ITGAE: variants seen among roughly 807,000 people sequenced by gnomAD.
The protein encoded by ITGAE is integrin alpha-E.
A neutral mutation model predicts 136.5 loss-of-function variants in ITGAE; 99 were observed. That is an observed-to-expected ratio of 0.73 (90% CI 0.62 to 0.86). The LOEUF is 0.86. Among genes scored for constraint, ITGAE ranks in the 40% least tolerant of loss-of-function variants. ITGAE has a pLI of 0.00. For synonymous variants in ITGAE, 613 were observed against 591.8 expected, an observed-to-expected ratio of 1.04 and a Z score of -0.52; for missense variants, 1,447 against 1,515.3, an observed-to-expected ratio of 0.95 and a Z score of 0.75.
intron 24 of ITGAE, 126 bp downstream of exon 24, chr17:3,729,349 AAGC>A: frequency 1.4e-6 from 1 of 728,358 alleles, no homozygotes; most frequent in East Asian, 2.5e-5. Flanking sequence ...CCTGGGTTCT[AAGC>A]AGGCTCCTCT....
intron 16 of ITGAE, among the ~76,000 whole-genome samples, chr17:3,749,938 C>G (rs1212917255): frequency 6.6e-6 from 1 of 152,032 alleles, no homozygotes; most frequent in Admixed American, 6.6e-5. Flanking sequence ...ATTGCTTGAA[C>G]CTGGGAGGCG....
At chr17:3,792,339 A>C (rs1193024317) in intron 1 of ITGAE, among the ~76,000 whole-genome samples, 1 of 152,104 alleles carries the variant, frequency 6.6e-6, no homozygotes, top group Non-Finnish European at 1.5e-5. Context: ...CCAGGCTGGT[A>C]TTGAACTCCT....
At chr17:3,755,076 C>G (rs1289389323) in intron 12 of ITGAE, 41 bp downstream of exon 12, 1 of 1,552,690 alleles carries the variant, frequency 6.4e-7, no homozygotes, top group Admixed American at 1.9e-5. Flanking sequence ...GCCCCGCCCT[C>G]ATCAGGTGGC....
chr17:3,757,625 A>C, intron 9 of ITGAE, 81 bp downstream of exon 9: 1 of 1,465,630 alleles, frequency 6.8e-7, no homozygotes, highest in South Asian at 1.2e-5. Context: ...GCTTACAGAA[A>C]AGCCCCCATC....
At chr17:3,723,927 G>C (rs764660611) in intron 26 of ITGAE, 183 bp from the exon 27 acceptor site, 48 of 1,544,644 alleles carry the variant, frequency 3.1e-5, no homozygotes, top group Admixed American at 8.0e-5. Flanking sequence ...CTCTTGGCGG[G>C]TGCCGGCCAT....
intron 1 of ITGAE, among the ~76,000 whole-genome samples, chr17:3,786,334 T>A (rs1376682917): frequency 6.6e-6 from 1 of 152,064 alleles, no homozygotes; most frequent in African/African-American, 2.4e-5. Flanking sequence ...CTAAAAATCT[T>A]AGGGAGATCT....
rs557357299 is a variant in ITGAE at position 3,718,962 on chromosome 17, T to C, written c.3333+1345A>G. On this transcript the variant is annotated intron_variant, in intron 29 of 30. Coordinates refer to ENST00000263087, the MANE Select transcript of ITGAE (RefSeq NM_002208.5). ...AAATACACTACTTAGCCGGACATGG[T>C]GGCTCATGCCTGTAATCCCAGCACT... Among the ~76,000 whole-genome samples the C allele has an allele frequency of 3.5e-4, 53 of 152,266 alleles. No individual in the cohort carries two copies. In the South Asian group the frequency reaches 0.011, roughly 30 times the overall value.
chr17:3,728,369 T>TTC, intron 24 of ITGAE: 11 of 24,534 alleles, frequency 4.5e-4, no homozygotes, highest in Admixed American at 2.0e-3. Flanking sequence ...CACTCATCCC[T>TTC]TTTTTTTTTT....
rs116354103 is a variant in ITGAE at position 3,741,397 on chromosome 17, T to A, written c.2449-1519A>T. 4.4e-3 allele frequency among the ~76,000 whole-genome samples: 668 copies of A among 152,198 alleles called. 15 individuals are homozygous for A. The highest frequency in any genetic ancestry group is 0.015 in the African/African-American group (618 of 41,522). ...CCCCCGCGCCCGGCCTTTTGTTGTA[T>A]TTTTAATATAGCCACATAGCCTGAT... is the stretch of plus-strand genomic sequence containing the variant. On this transcript the variant is annotated intron_variant, in intron 19 of 30. Transcript: ENST00000263087.
intron 28 of ITGAE, 105 bp from the exon 29 acceptor site, chr17:3,720,507 CTTAG>C: frequency 1.6e-6 from 1 of 639,648 alleles, no homozygotes; most frequent in Admixed American, 2.4e-5. Context: ...TATTCCTGGG[CTTAG>C]TTAATGGCCC....
chr17:3,731,042 G>C, intron 23 of ITGAE, 62 bp downstream of exon 23: 1 of 1,352,120 alleles, frequency 7.4e-7, no homozygotes, highest in Non-Finnish European at 1.1e-6. Flanking sequence ...CAGCGTGCAT[G>C]TGGCAGGGAG....
intron 12 of ITGAE, 50 bp from the exon 13 acceptor site, chr17:3,753,975 C>A (rs764313318): frequency 3.8e-6 from 6 of 1,590,350 alleles, no homozygotes; most frequent in African/African-American, 2.7e-5. Flanking sequence ...TCCCACCTGG[C>A]CTCTCTCTTG....
chr17:3,795,878 C>T (rs28757708), intron 1 of ITGAE, among the ~76,000 whole-genome samples: 7,377 of 128,146 alleles, frequency 0.058, 248 homozygotes, highest in East Asian at 0.12. Flanking sequence ...CATCCGTGTG[C>T]GTGTGCATCC....
chr17:3,738,101 A>T (rs1567522137), intron 20 of ITGAE, among the ~76,000 whole-genome samples: 2 of 152,314 alleles, frequency 1.3e-5, no homozygotes, highest in South Asian at 4.1e-4. Flanking sequence ...AACTCCAGCC[A>T]GCTGGCCAAC....
At chr17:3,740,981 TC>T (rs979843967) in intron 19 of ITGAE, among the ~76,000 whole-genome samples, 70 of 152,166 alleles carry the variant, frequency 4.6e-4, no homozygotes, top group African/African-American at 1.7e-3. Flanking sequence ...ACTTTCTACT[TC>T]CTGCGGAAGG....
chr17:3,752,989 G>A (rs566416567), intron 14 of ITGAE, among the ~76,000 whole-genome samples: 287 of 152,314 alleles, frequency 1.9e-3, no homozygotes, highest in Non-Finnish European at 3.1e-3. Context: ...CAGAGGTTGC[G>A]GTGAGCCAAG....
At chr17:3,725,933 C>T (rs2051200584) in intron 26 of ITGAE, 2 of 1,613,722 alleles carry the variant, frequency 1.2e-6, no homozygotes, top group East Asian at 4.5e-5. Flanking sequence ...AAAAACTCCA[C>T]TACACCCTCA....
intron 17 of ITGAE, among the ~76,000 whole-genome samples, chr17:3,746,465 T>C (rs1000967199): frequency 1.3e-5 from 2 of 151,542 alleles, no homozygotes; most frequent in African/African-American, 4.8e-5. Context: ...TTTTCTTTTT[T>C]TTTTTCCTTT....
At chr17:3,782,476 T>G (rs1430553296) in intron 1 of ITGAE, among the ~76,000 whole-genome samples, 3 of 151,310 alleles carry the variant, frequency 2.0e-5, no homozygotes, top group Non-Finnish European at 2.9e-5. Flanking sequence ...CAAGCGATTC[T>G]CCTGCCTCAG....
Sources: allele counts gnomAD v4.1 joint callset (sites outside exome capture counted in the v4.1 genomes callset), GRCh38; gene constraint gnomAD v4.1.1; transcripts MANE v1.5; gene names NCBI Gene and HGNC (gene_info 2026-07-23, HGNC 2026-07-21).